The following PRKG1 variants were observed in gnomAD, a reference collection of about 807,000 sequenced individuals.
PRKG1 encodes protein kinase cGMP-dependent 1.
PRKG1 carries 35 observed loss-of-function variants against 88.1 expected under a neutral mutation model. That is an observed-to-expected ratio of 0.40 (90% CI 0.30 to 0.53). The LOEUF (loss-of-function observed/expected upper bound fraction) is 0.53, where lower values mean the gene tolerates loss of function less well. Among genes scored for constraint, PRKG1 ranks in the 20% least tolerant of loss-of-function variants. The pLI, the probability that PRKG1 is intolerant of heterozygous loss-of-function variation, is 0.59. For missense variants in PRKG1, 540 were observed against 839.8 expected, an observed-to-expected ratio of 0.64 and a Z score of 4.41; for synonymous variants, 303 against 292.5, an observed-to-expected ratio of 1.04 and a Z score of -0.37.
At chr10:52,099,143 C>T (rs767206767) in intron 7 of PRKG1, among the ~76,000 whole-genome samples, 25 of 152,096 alleles carry the variant, frequency 1.6e-4, no homozygotes, top group African/African-American at 3.9e-4. Context: ...TATGGAATCC[C>T]GCAGTTACAC....
At chr10:51,081,016 T>G (rs542839192) in intron 1 of PRKG1, among the ~76,000 whole-genome samples, 23 of 152,330 alleles carry the variant, frequency 1.5e-4, no homozygotes, top group Admixed American at 1.5e-3. Context: ...TAACACAATG[T>G]GGAACTAATA....
At chr10:51,066,440 A>T (rs528263701) in intron 1 of PRKG1, among the ~76,000 whole-genome samples, 2 of 152,200 alleles carry the variant, frequency 1.3e-5, no homozygotes, top group Non-Finnish European at 2.9e-5. Flanking sequence ...TGAGTAGTTG[A>T]CAGTACTGTT....
chr10:52,260,732 G>T (rs368732394), intron 10 of PRKG1, among the ~76,000 whole-genome samples: 2 of 93,680 alleles, frequency 2.1e-5, no homozygotes, highest in Admixed American at 2.2e-4. Context: ...AAAAAATAAA[G>T]TGTATTATAG....
rs1332589705 is a variant in PRKG1, at chr10:52,258,301, A to G, written c.1173+6635A>G. 5.0e-5 allele frequency among the ~76,000 whole-genome samples: 7 copies of G among 139,214 alleles called. 1 individual carries two copies. Among genetic ancestry groups the G allele is most frequent in the Non-Finnish European group, 1.1e-4 (7 of 61,624 alleles). 91.3% of individuals were successfully genotyped at this position (139,214 alleles called of 152,430 possible). ...ATTGGTGATAAAACAGCTCTTACAA[A>G]AGTTGACATTTAGGTCATACTTGCC... is the stretch of plus-strand genomic sequence containing the variant. On this transcript the variant is annotated intron_variant, in intron 10 of 17. Transcript: ENST00000373980.
chr10:51,917,423 A>G (rs1170709183), intron 5 of PRKG1, among the ~76,000 whole-genome samples: 3 of 152,116 alleles, frequency 2.0e-5, no homozygotes, highest in Non-Finnish European at 2.9e-5. Flanking sequence ...ACCGAAAACC[A>G]TTGAATTTAT....
intron 1 of PRKG1, among the ~76,000 whole-genome samples, chr10:51,022,102 A>G (rs1279602640): frequency 6.6e-6 from 1 of 152,214 alleles, no homozygotes; most frequent in Non-Finnish European, 1.5e-5. Context: ...GGGGCATTCA[A>G]TTCTAGTCAT....
intron 2 of PRKG1, among the ~76,000 whole-genome samples, chr10:51,389,477 A>T (rs1294481492): frequency 6.6e-6 from 1 of 151,996 alleles, no homozygotes; most frequent in Non-Finnish European, 1.5e-5. Flanking sequence ...ATCACCCCTA[A>T]CATGCCGCCA....
chr10:51,651,957 T>C (rs1840049970), intron 3 of PRKG1, among the ~76,000 whole-genome samples: 2 of 152,226 alleles, frequency 1.3e-5, no homozygotes, highest in Admixed American at 1.3e-4. Context: ...GTAAAGCTTT[T>C]AATAGATGTG....
rs1842777198 is a variant in PRKG1, at chr10:50,991,251, C to G, written c.-128C>G. 12 of 1,346,626 alleles carry G rather than the reference C, an allele frequency of 8.9e-6. No homozygotes were observed. In the South Asian group the frequency reaches 1.2e-4, roughly 14 times the overall value. The allele number at this position is 1,346,626 out of a possible 1,614,324, so 83.4% of individuals were successfully genotyped here. A position where few individuals can be genotyped will look rare whatever the true frequency, so the allele number is the denominator to read the frequency against. On this transcript the variant is annotated 5_prime_UTR_variant, in exon 1 of 18. Coordinates refer to the PRKG1 transcript ENST00000401604. The surrounding 1 kb of genome is among the most constrained non-coding windows in gnomAD (Gnocchi z 4.5). ...CATTAGGGGCGCACTCCGCCGCGCT[C>G]GAGTACTTAGCGCCCATTCACTCGC...
At chr10:52,232,827 C>T (rs958155362) in intron 9 of PRKG1, among the ~76,000 whole-genome samples, 1 of 152,196 alleles carries the variant, frequency 6.6e-6, no homozygotes, top group African/African-American at 2.4e-5. Flanking sequence ...AAGGCTTCCA[C>T]CTCCAGTTCA....
chr10:52,163,841 C>G (rs1433959981), intron 9 of PRKG1, among the ~76,000 whole-genome samples: 1 of 152,060 alleles, frequency 6.6e-6, no homozygotes, highest in South Asian at 2.1e-4. Context: ...GATATGGCAA[C>G]AATTCTTAAC....
intron 8 of PRKG1, among the ~76,000 whole-genome samples, chr10:52,134,181 G>A (rs1456503412): frequency 6.6e-6 from 1 of 152,078 alleles, no homozygotes; most frequent in Non-Finnish European, 1.5e-5. Context: ...ATATTTTGAG[G>A]ATTAATGAGA....
intron 9 of PRKG1, among the ~76,000 whole-genome samples, chr10:52,248,842 C>T (rs544975672): frequency 6.6e-6 from 1 of 152,024 alleles, no homozygotes; most frequent in Non-Finnish European, 1.5e-5. Flanking sequence ...ATAACTTTTG[C>T]GCCCTGTATC....
chr10:51,188,112 A>G (rs531153861), intron 2 of PRKG1, among the ~76,000 whole-genome samples: 2 of 152,114 alleles, frequency 1.3e-5, no homozygotes, highest in South Asian at 2.1e-4. Flanking sequence ...ACTTAATGCC[A>G]TTTTGTGGCA....
At chr10:51,364,400 T>C (rs1842547494) in intron 2 of PRKG1, among the ~76,000 whole-genome samples, 6 of 151,972 alleles carry the variant, frequency 3.9e-5, no homozygotes, top group Admixed American at 3.9e-4. Flanking sequence ...CAAAAGGCTA[T>C]TGACAATAAC....
chr10:51,166,761 T>C (rs1005942506), intron 2 of PRKG1, among the ~76,000 whole-genome samples: 1 of 152,212 alleles, frequency 6.6e-6, no homozygotes, highest in Non-Finnish European at 1.5e-5. Context: ...TACTAAACTA[T>C]GGTCTTTCCT....
In PRKG1 at chr10:52,137,909, C is replaced by T. The variant is rs369173722; in HGVS notation, c.1001+4004C>T. Among the ~76,000 whole-genome samples the T allele has an allele frequency of 2.0e-4, 31 of 152,166 alleles. 1 individual carries two copies. The East Asian group carries it at 5.4e-3, about 27-fold the overall frequency. ...TGGGAAGCTGTTTAAACTAAAAGTT[C>T]TATTAAGATAATTGATTTTTTGACA... is the stretch of plus-strand genomic sequence containing the variant. On this transcript the variant is annotated intron_variant, in intron 8 of 17. Transcript: ENST00000373980.
At chr10:51,368,528 G>C (rs1842635585) in intron 2 of PRKG1, among the ~76,000 whole-genome samples, 1 of 151,808 alleles carries the variant, frequency 6.6e-6, no homozygotes, top group Admixed American at 6.6e-5. Context: ...TCACACATTG[G>C]GTTTATATTC....
At chr10:51,252,200 T>C (rs1218095936) in intron 2 of PRKG1, among the ~76,000 whole-genome samples, 1 of 151,840 alleles carries the variant, frequency 6.6e-6, no homozygotes, top group African/African-American at 2.4e-5. Flanking sequence ...GTCTGGAATC[T>C]GAGTGCTCTA....
Sources: gnomAD v4.1 joint callset for allele counts (sites outside exome capture counted in the v4.1 genomes callset) on GRCh38, gnomAD v4.1.1 for gene constraint, Gnocchi (gnomAD v3.1) non-coding constraint, MANE v1.5 for transcripts, NCBI Gene and HGNC (gene_info 2026-07-23, HGNC 2026-07-21) for gene names.